Variants in MIER3 observed in about 807,000 individuals in gnomAD.
The protein encoded by MIER3 is mesoderm induction early response protein 3.
A neutral mutation model predicts 63.2 loss-of-function variants in MIER3; 9 were observed. That is an observed-to-expected ratio of 0.14 (90% CI 0.09 to 0.25). The LOEUF is 0.25. MIER3 is among the 10% of genes least tolerant of loss of function. The pLI is 1.00. For missense variants in MIER3, 512 were observed against 666.2 expected (o/e 0.77, Z 2.55); for synonymous variants, 205 against 224.9 (o/e 0.91, Z 0.79).
chr5:56,923,289 C>T lies in MIER3; in HGVS notation c.1492G>A (p.Val498Ile), dbSNP rs779011184. The change falls in exon 13 of 13, where the codon GTA (valine) becomes ATA (isoleucine). Residue 498 changes from valine to isoleucine, a missense_variant. Val to Ile is a conservative substitution (Grantham distance 29). This residue lies in a region of MIER3 where 218 missense variants were observed against 251.2 expected (regional missense o/e 0.87). Coordinates refer to ENST00000381199, the MANE Select transcript of MIER3 (RefSeq NM_001297599.2). ...TCAAAGTCCACACCCAGGTTATTTA[C>T]AGAAACTTCATTCATAAAGGATTCA... ...VPESFMNEVS[V>I]NNLGVDFENH... 2.5e-6 allele frequency: 4 copies of T among 1,614,032 alleles called. No individual in the cohort carries two copies. The highest frequency in any genetic ancestry group is 1.1e-5 in the South Asian group (1 of 91,084).
rs536032835 is a variant in MIER3 at position 56,930,829 on chromosome 5, T to C, written c.748-84A>G. 5.5e-6 allele frequency: 6 copies of C among 1,090,622 alleles called. No individual in the cohort carries two copies. In the East Asian group the frequency reaches 7.1e-5, roughly 13 times the overall value. The allele number at this position is 1,090,622 out of a possible 1,614,324, so 67.6% of individuals were successfully genotyped here. A position where few individuals can be genotyped will look rare whatever the true frequency, so the allele number is the denominator to read the frequency against. On this transcript the variant is annotated intron_variant, in intron 8 of 12. Coordinates refer to ENST00000381199, the MANE Select transcript of MIER3 (RefSeq NM_001297599.2). ...ACAGGTGTAAGAGTTTTGATAAATA[T>C]TGGAGTCTTGATAAACACTGAAATC... is the stretch of plus-strand genomic sequence containing the variant.
chr5:56,929,005 A>G (rs12520565), intron 9 of MIER3, 144 bp from the exon 10 acceptor site: 1 of 478,992 alleles, frequency 2.1e-6, no homozygotes, highest in East Asian at 4.0e-5. Context: ...ACACACACAC[A>G]CTCTCTCTCT....
intron 2 of MIER3, 104 bp from the exon 3 acceptor site, chr5:56,947,175 G>A: frequency 9.1e-7 from 1 of 1,094,582 alleles, no homozygotes; most frequent in Non-Finnish European, 1.3e-6. Flanking sequence ...GTTTATATGA[G>A]GGTTTTACTA....
At chr5:56,938,276 G>A (rs1049675933) in intron 4 of MIER3, 21 of 471,082 alleles carry the variant, frequency 4.5e-5, no homozygotes, top group African/African-American at 3.8e-4. Flanking sequence ...TGACTTAAAA[G>A]TGGGAACAAT....
chr5:56,920,669 A>C lies in MIER3; in HGVS notation c.*2459T>G, dbSNP rs1749629268. ...TCCAGCTTTTAAAAGAAAATTCAAT[A>C]AATAGCTATTTTACATGGATAAAGT... On this transcript the variant is annotated 3_prime_UTR_variant, in exon 13 of 13. Transcript: ENST00000381199. The C allele has an allele frequency of 6.6e-6, 1 of 152,462 alleles. No individual in the cohort carries two copies. Among genetic ancestry groups the C allele is most frequent in the Non-Finnish European group, 1.5e-5 (1 of 67,954 alleles). 9.4% of individuals were successfully genotyped at this position (152,462 alleles called of 1,614,324 possible).
chr5:56,931,120 CCT>C (rs1404181083), intron 8 of MIER3, among the ~76,000 whole-genome samples: 3 of 152,104 alleles, frequency 2.0e-5, no homozygotes, highest in Non-Finnish European at 4.4e-5. Flanking sequence ...TCATTTCCTC[CCT>C]GTCTCTTTTA....
At chr5:56,930,785 C>A (rs1207746640) in intron 8 of MIER3, 40 bp from the exon 9 acceptor site, 1 of 1,501,096 alleles carries the variant, frequency 6.7e-7, no homozygotes. Context: ...AAAGTTCATA[C>A]CTAACAGCAT....
intron 3 of MIER3, among the ~76,000 whole-genome samples, chr5:56,942,047 A>G (rs1164910172): frequency 6.6e-6 from 1 of 151,916 alleles, no homozygotes. Flanking sequence ...AGAGTTCTGC[A>G]AAGGACACAG....
At chr5:56,935,087 CATT>C (rs986886186) in intron 7 of MIER3, among the ~76,000 whole-genome samples, 2 of 152,124 alleles carry the variant, frequency 1.3e-5, no homozygotes, top group African/African-American at 4.8e-5. Flanking sequence ...TTAACATTCT[CATT>C]ATCTCAGGTG....
At chr5:56,936,934 A>C (rs1750466810) in intron 5 of MIER3, 1 of 152,220 alleles carries the variant, frequency 6.6e-6, no homozygotes, top group African/African-American at 2.4e-5. Flanking sequence ...GGAGAGCAGG[A>C]GCCTTTTAAT....
At chr5:56,940,092 G>T (rs1750590109) in intron 3 of MIER3, among the ~76,000 whole-genome samples, 1 of 152,148 alleles carries the variant, frequency 6.6e-6, no homozygotes, top group Non-Finnish European at 1.5e-5. Flanking sequence ...CATTTTGGGA[G>T]GCCGAGGCAG....
At chr5:56,947,825 G>A (rs1750878281) in intron 2 of MIER3, among the ~76,000 whole-genome samples, 3 of 152,118 alleles carry the variant, frequency 2.0e-5, no homozygotes, top group African/African-American at 7.2e-5. Context: ...ATTCATACTT[G>A]TTTATAAAAC....
At chr5:56,940,859 G>A (rs1161727573) in intron 3 of MIER3, 2 of 506,534 alleles carry the variant, frequency 3.9e-6, no homozygotes, top group Admixed American at 1.3e-4. Flanking sequence ...AGTCCATGCA[G>A]CCCATTCCCT....
intron 8 of MIER3, among the ~76,000 whole-genome samples, chr5:56,931,173 G>A (rs776764991): frequency 1.4e-4 from 22 of 152,174 alleles, no homozygotes; most frequent in Admixed American, 5.9e-4. Context: ...GGAATAATAG[G>A]CATGGCACTT....
chr5:56,927,511 A>C (rs903748120), intron 10 of MIER3, among the ~76,000 whole-genome samples: 3 of 152,230 alleles, frequency 2.0e-5, no homozygotes, highest in African/African-American at 7.2e-5. Context: ...TAAACAGAGC[A>C]TATTTTAATG....
At chr5:56,941,142 G>A in intron 3 of MIER3, 1 of 985,352 alleles carries the variant, frequency 1.0e-6, no homozygotes, top group Non-Finnish European at 1.2e-6. Flanking sequence ...TTAGTGGGAG[G>A]AACTTAGTGG....
chr5:56,944,307 TAA>T (rs553010224), intron 3 of MIER3, among the ~76,000 whole-genome samples: 3 of 141,022 alleles, frequency 2.1e-5, no homozygotes, highest in South Asian at 2.2e-4. Context: ...CCGTCTCTAC[TAA>T]AAAAAAAAAA....
chr5:56,923,409 T>C lies in MIER3; in HGVS notation c.1372A>G (p.Thr458Ala). Residue 458 changes from threonine to alanine, a missense_variant, in exon 13 of 13, where the codon ACT (threonine) becomes GCT (alanine). Thr to Ala is a moderately conservative substitution (Grantham distance 58). This residue lies in a region of MIER3 where 218 missense variants were observed against 251.2 expected (regional missense o/e 0.87). Transcript: ENST00000381199. ...GESDCFNLFE[T>A]GFYHSELNPM... ...TTTAGCTCCGAGTGATAAAATCCAGTCTCAAATAAATTAAAACAATCACTT... is the reference window on the plus strand; with the variant it reads ...TTTAGCTCCGAGTGATAAAATCCAGCCTCAAATAAATTAAAACAATCACTT... 6.2e-7 allele frequency: 1 copy of C among 1,614,150 alleles called. No homozygotes were observed. The highest frequency in any genetic ancestry group is 8.5e-7 in the Non-Finnish European group (1 of 1,180,024).
In MIER3 at chr5:56,923,213, T is replaced by G; in HGVS notation, c.1568A>C (p.Asp523Ala). Residue 523 changes from aspartate to alanine, a missense_variant, in exon 13 of 13, where the codon GAC (aspartate) becomes GCC (alanine). Asp to Ala is a moderately radical substitution (Grantham distance 126, BLOSUM62 -2). Coordinates refer to ENST00000381199, the MANE Select transcript of MIER3 (RefSeq NM_001297599.2). ...TSAKMAVSVA[D>A]FGSLSANETN... ...CTCGTTGGCAGAGAGACTGCCAAAG[T>G]CAGCCACAGAAACAGCCATTTTGGC... 9 of 1,614,062 alleles carry G rather than the reference T, an allele frequency of 5.6e-6. No individual in the cohort carries two copies. The highest frequency in any genetic ancestry group is 1.3e-5 in the African/African-American group (1 of 75,006).
Sources: allele counts gnomAD v4.1 joint callset (sites outside exome capture counted in the v4.1 genomes callset), GRCh38; gene constraint gnomAD v4.1.1; regional missense constraint gnomAD v4.1.1; transcripts MANE v1.5; gene names NCBI Gene and HGNC (gene_info 2026-07-23, HGNC 2026-07-21).